The following SLC39A11 variants were observed in gnomAD, a reference collection of about 807,000 sequenced individuals.
SLC39A11 encodes zinc transporter ZIP11.
A neutral mutation model predicts 36.1 loss-of-function variants in SLC39A11; 33 were observed. The observed-to-expected ratio is 0.91, with a 90% confidence interval of 0.69 to 1.22. The LOEUF (loss-of-function observed/expected upper bound fraction) is 1.22, where lower values mean the gene tolerates loss of function less well. Among genes scored for constraint, SLC39A11 ranks in the 50% most tolerant of loss-of-function variants. The probability of loss-of-function intolerance (pLI) is 0.00; values close to 1 mark genes in which losing one functional copy is unlikely to be tolerated. For synonymous variants in SLC39A11, 166 were observed against 170.3 expected, an observed-to-expected ratio of 0.97 and a Z score of 0.20; for missense variants, 432 against 430.3, an observed-to-expected ratio of 1.00 and a Z score of -0.03.
chr17:72,859,749 T>C (rs1036108436), intron 5 of SLC39A11, among the ~76,000 whole-genome samples: 2 of 147,050 alleles, frequency 1.4e-5, no homozygotes, highest in Non-Finnish European at 3.0e-5. Flanking sequence ...ATATTTATTA[T>C]GGGCCAAGGC....
chr17:72,777,686 C>A (rs2076179811), intron 6 of SLC39A11, among the ~76,000 whole-genome samples: 1 of 151,996 alleles, frequency 6.6e-6, no homozygotes, highest in South Asian at 2.1e-4. Context: ...CTGTGGACAC[C>A]CTGACTTCAG....
intron 7 of SLC39A11, among the ~76,000 whole-genome samples, chr17:72,704,227 T>G (rs2072784278): frequency 2.0e-5 from 3 of 152,256 alleles, no homozygotes; most frequent in African/African-American, 4.8e-5. Context: ...TCATGTAATC[T>G]TCTTATGGGA....
chr17:72,838,851 G>A (rs905489720), intron 6 of SLC39A11, among the ~76,000 whole-genome samples: 1 of 152,126 alleles, frequency 6.6e-6, no homozygotes, highest in African/African-American at 2.4e-5. Flanking sequence ...AAGAACTGAG[G>A]GATAACATGG....
At chr17:72,921,917 T>C (rs372896775) in intron 5 of SLC39A11, among the ~76,000 whole-genome samples, 2 of 152,212 alleles carry the variant, frequency 1.3e-5, no homozygotes, top group South Asian at 2.1e-4. Flanking sequence ...AAGCTACAAA[T>C]AACAGTATAT....
chr17:72,729,413 A>T (rs1353318002), intron 7 of SLC39A11, among the ~76,000 whole-genome samples: 3 of 2,094 alleles, frequency 1.4e-3, no homozygotes, highest in Admixed American at 8.1e-3. Context: ...ATTTATATAT[A>T]TATATATATA....
rs757264517 is a variant in SLC39A11 at position 73,067,860 on chromosome 17, T to C, written c.147+16948A>G. ...ATTTAATGTAGCAAGTTGATTTTCT[T>C]TGTGGTTCATCCCCATGCCTGAGAC... On this transcript the variant is annotated intron_variant, in intron 3 of 9. Transcript: ENST00000255559. 121 of 1,604,718 alleles carry C rather than the reference T, an allele frequency of 7.5e-5. No individual in the cohort carries two copies. The Middle Eastern group carries it at 8.6e-4, about 11-fold the overall frequency.
intron 5 of SLC39A11, among the ~76,000 whole-genome samples, chr17:72,857,861 C>T (rs1297173283): frequency 6.6e-6 from 1 of 152,160 alleles, no homozygotes; most frequent in Non-Finnish European, 1.5e-5. Flanking sequence ...AAGCTCCTTA[C>T]AGATGCTGGA....
At chr17:72,893,702 T>C (rs1256070059) in intron 5 of SLC39A11, among the ~76,000 whole-genome samples, 1 of 151,800 alleles carries the variant, frequency 6.6e-6, no homozygotes, top group East Asian at 1.9e-4. Context: ...ATGAGAAAAA[T>C]CAAGGTTAGA....
At chr17:72,880,085 CCTG>C (rs1192922568) in intron 5 of SLC39A11, among the ~76,000 whole-genome samples, 1 of 152,218 alleles carries the variant, frequency 6.6e-6, no homozygotes, top group Non-Finnish European at 1.5e-5. Context: ...TGCTGCAACT[CCTG>C]CTGTTTCAGT....
intron 6 of SLC39A11, among the ~76,000 whole-genome samples, chr17:72,776,870 A>G (rs2076155156): frequency 6.6e-6 from 1 of 152,088 alleles, no homozygotes; most frequent in African/African-American, 2.4e-5. Flanking sequence ...CCCACCCCTC[A>G]CCAAGTCCCC....
chr17:72,714,220 G>A (rs1400418803), intron 7 of SLC39A11, among the ~76,000 whole-genome samples: 1 of 152,146 alleles, frequency 6.6e-6, no homozygotes, highest in African/African-American at 2.4e-5. Context: ...GCTGGGTGTA[G>A]TGGTGCGCAC....
At chr17:73,060,210 C>CAAAAAAAAAAAAAAAAAAAGAAAAA (rs2059797398) in intron 3 of SLC39A11, among the ~76,000 whole-genome samples, 3 of 70,350 alleles carry the variant, frequency 4.3e-5, no homozygotes, top group African/African-American at 5.6e-5. Flanking sequence ...AACTCCATCT[C>CAAAAAAAAAAAAAAAAAAAGAAAAA]AAAAAAAAAA....
intron 6 of SLC39A11, among the ~76,000 whole-genome samples, chr17:72,752,901 GC>G (rs2075209073): frequency 6.6e-6 from 1 of 152,176 alleles, no homozygotes; most frequent in Non-Finnish European, 1.5e-5. Context: ...TGTGGCCCGG[GC>G]TGGAGTGCAA....
chr17:72,869,159 A>C (rs569038608), intron 5 of SLC39A11, among the ~76,000 whole-genome samples: 26 of 152,230 alleles, frequency 1.7e-4, no homozygotes, highest in African/African-American at 6.3e-4. Context: ...CCCCAAATAA[A>C]CGAGCCCCCC....
intron 5 of SLC39A11, among the ~76,000 whole-genome samples, chr17:72,903,271 GAAAAAA>G (rs11450652): frequency 3.6e-4 from 41 of 113,334 alleles, no homozygotes; most frequent in Admixed American, 1.8e-3. Flanking sequence ...GTCTCGAAAA[GAAAAAA>G]AAAAAAAAAA....
chr17:72,882,777 T>C (rs569368493), intron 5 of SLC39A11, among the ~76,000 whole-genome samples: 120 of 151,946 alleles, frequency 7.9e-4, no homozygotes, highest in African/African-American at 2.8e-3. Context: ...CACAACCTGC[T>C]TGAGGGAGAG....
rs2077239807 is a variant in SLC39A11, at chr17:72,805,923, T to C, written c.601+43711A>G. Among the ~76,000 whole-genome samples, 2 of 151,984 alleles carry C rather than the reference T, an allele frequency of 1.3e-5. 1 individual carries two copies. The highest frequency in any genetic ancestry group is 4.2e-4 in the South Asian group (2 of 4,808). ...GCCACCATGCCCAGCTAATTTTTTT[T>C]TGTATTATAGTAGAGACAGGATTTT... is the stretch of plus-strand genomic sequence containing the variant. On this transcript the variant is annotated intron_variant, in intron 6 of 9. Transcript: ENST00000255559.
chr17:73,031,336 A>C (rs922125841), intron 4 of SLC39A11, among the ~76,000 whole-genome samples: 7 of 152,042 alleles, frequency 4.6e-5, no homozygotes, highest in African/African-American at 1.7e-4. Flanking sequence ...TGACATTCAA[A>C]ATCCGAACTT....
intron 5 of SLC39A11, among the ~76,000 whole-genome samples, chr17:72,907,265 G>A (rs556786074): frequency 6.6e-6 from 1 of 152,288 alleles, no homozygotes; most frequent in Non-Finnish European, 1.5e-5. Context: ...CGAGGCGGGC[G>A]CATCATTTGA....
Sources: allele counts gnomAD v4.1 joint callset (sites outside exome capture counted in the v4.1 genomes callset), GRCh38; gene constraint gnomAD v4.1.1; transcripts MANE v1.5; gene names NCBI Gene and HGNC (gene_info 2026-07-23, HGNC 2026-07-21).